Variants in PPM1G observed in about 807,000 individuals in gnomAD.
PPM1G encodes protein phosphatase 1G.
In PPM1G, 12 loss-of-function variants were observed where a neutral mutation model predicts 59.4. That is an observed-to-expected ratio of 0.20 (90% CI 0.13 to 0.33). The LOEUF (loss-of-function observed/expected upper bound fraction) is 0.33, where lower values mean the gene tolerates loss of function less well. Among genes scored for constraint, PPM1G ranks in the 10% least tolerant of loss-of-function variants. The probability of loss-of-function intolerance (pLI) is 1.00; values close to 1 mark genes in which losing one functional copy is unlikely to be tolerated. For synonymous variants in PPM1G, 245 were observed against 251.9 expected, an observed-to-expected ratio of 0.97 and a Z score of 0.26; for missense variants, 392 against 681.3, an observed-to-expected ratio of 0.58 and a Z score of 4.73.
intron 1 of PPM1G, among the ~76,000 whole-genome samples, chr2:27,398,079 GA>G (rs1423885124): frequency 6.6e-6 from 1 of 152,106 alleles, no homozygotes; most frequent in Non-Finnish European, 1.5e-5. Flanking sequence ...AAATTTAGAT[GA>G]AAAACAAATT....
chr2:27,409,589 T>A lies in PPM1G; in HGVS notation c.-167A>T. 2 of 876,322 alleles carry A rather than the reference T, an allele frequency of 2.3e-6. No homozygotes were observed. The highest frequency in any genetic ancestry group is 3.1e-6 in the Non-Finnish European group (2 of 649,220). 54.3% of individuals were successfully genotyped at this position (876,322 alleles called of 1,614,324 possible). A position where few individuals can be genotyped will look rare whatever the true frequency, so the allele number is the denominator to read the frequency against. ...CAGGAGGCGGTAACGGGACGGGAGC[T>A]GTGAGGGAGCGGAAGCGGAAACGGC... On this transcript the variant is annotated 5_prime_UTR_variant, in exon 1 of 10. Transcript: ENST00000344034.
At position 27,382,421 on chromosome 2, in the gene PPM1G, A is replaced by G. The variant is rs908404100; in HGVS notation, c.1331+55T>C. 122 of 1,609,916 alleles carry G rather than the reference A, an allele frequency of 7.6e-5. 1 individual carries two copies. The highest frequency in any genetic ancestry group is 2.2e-4 in the South Asian group (20 of 90,560). On this transcript the variant is annotated intron_variant, in intron 8 of 9. Transcript: ENST00000344034. This position sits in a 1 kb window ranked among gnomAD's most constrained non-coding sequence, Gnocchi z 4.2. ...TAATCCTAGAGGTGCCCTGAGTCCTATAAGAGAAGACATGCTGCAGAAAGG... is the reference window on the plus strand; with the variant it reads ...TAATCCTAGAGGTGCCCTGAGTCCTGTAAGAGAAGACATGCTGCAGAAAGG...
chr2:27,382,614 A>C lies in PPM1G; in HGVS notation c.1202-9T>G. The C allele has an allele frequency of 6.2e-7, 1 of 1,614,084 alleles. No homozygotes were observed. Among genetic ancestry groups the C allele is most frequent in the Non-Finnish European group, 8.5e-7 (1 of 1,179,970 alleles). On this transcript the variant is annotated splice_polypyrimidine_tract_variant and intron_variant, in intron 7 of 9. Transcript: ENST00000344034. This position sits in a 1 kb window ranked among gnomAD's most constrained non-coding sequence, Gnocchi z 4.2. ...CTTATAGAAGTGGTCCCCTGGAGTA[A>C]AGGAATGGTTGATGAGCAGTTTGGA...
chr2:27,398,575 GCA>G (rs1684105604), intron 1 of PPM1G, among the ~76,000 whole-genome samples: 1 of 152,194 alleles, frequency 6.6e-6, no homozygotes, highest in Non-Finnish European at 1.5e-5. Context: ...TGTAATCCTA[GCA>G]CTTTGGGAGG....
At chr2:27,408,327 G>C (rs1663429991) in intron 1 of PPM1G, among the ~76,000 whole-genome samples, 1 of 152,072 alleles carries the variant, frequency 6.6e-6, no homozygotes, top group African/African-American at 2.4e-5. Context: ...GTATTTCCCT[G>C]GCCCTTTTGC....
chr2:27,395,918 G>A (rs1276034741), intron 1 of PPM1G, among the ~76,000 whole-genome samples: 1 of 152,060 alleles, frequency 6.6e-6, no homozygotes, highest in Admixed American at 6.6e-5. Context: ...CAAGGATGTG[G>A]AGAAACTGAA....
chr2:27,397,481 T>C (rs1684079797), intron 1 of PPM1G, among the ~76,000 whole-genome samples: 2 of 152,104 alleles, frequency 1.3e-5, no homozygotes, highest in South Asian at 4.1e-4. Context: ...AAAAGGATAA[T>C]ACACATTGAT....
chr2:27,381,589 TG>T lies in PPM1G; in HGVS notation c.*9del. ...AAAACAGTCTAGGTGGGCAGGGGTC[TG>T]GATGACTGCTAGTCTCGCTTGGCCT... On this transcript the variant is annotated 3_prime_UTR_variant, in exon 10 of 10. Coordinates refer to ENST00000344034, the MANE Select transcript of PPM1G (RefSeq NM_177983.3). 6.2e-7 allele frequency: 1 copy of T among 1,614,150 alleles called. No homozygotes were observed. The highest frequency in any genetic ancestry group is 1.3e-5 in the African/African-American group (1 of 75,048).
intron 1 of PPM1G, among the ~76,000 whole-genome samples, chr2:27,391,408 T>A (rs1683898998): frequency 6.6e-6 from 1 of 152,232 alleles, no homozygotes; most frequent in African/African-American, 2.4e-5. Flanking sequence ...CTCTTTGTGG[T>A]TCTAATTTGC....
At chr2:27,386,036 G>T in intron 3 of PPM1G, 157 bp from the exon 4 acceptor site, 1 of 1,255,998 alleles carries the variant, frequency 8.0e-7, no homozygotes, top group Non-Finnish European at 1.1e-6. Flanking sequence ...AATAAGGCAA[G>T]TCTAAAAGGC....
chr2:27,401,861 T>C (rs901501225), intron 1 of PPM1G, among the ~76,000 whole-genome samples: 4 of 151,788 alleles, frequency 2.6e-5, no homozygotes, highest in Admixed American at 2.0e-4. Context: ...AAAGAAAATA[T>C]ACTAAAAGCC....
At chr2:27,391,059 A>ATTTTC (rs901969288) in intron 1 of PPM1G, among the ~76,000 whole-genome samples, 2 of 152,222 alleles carry the variant, frequency 1.3e-5, no homozygotes, top group African/African-American at 4.8e-5. Flanking sequence ...TATGTACCAT[A>ATTTTC]TTTTCTTTTC....
chr2:27,398,625 T>C (rs538193915), intron 1 of PPM1G, among the ~76,000 whole-genome samples: 3 of 151,356 alleles, frequency 2.0e-5, no homozygotes, highest in African/African-American at 7.3e-5. Context: ...AGATCGAGAC[T>C]ATCCTGGCCA....
In PPM1G at chr2:27,407,323, G is replaced by A. The variant is rs560174299; in HGVS notation, c.120+1980C>T. On this transcript the variant is annotated intron_variant, in intron 1 of 9. Coordinates refer to ENST00000344034, the MANE Select transcript of PPM1G (RefSeq NM_177983.3). The stretch of plus-strand genomic sequence containing the variant: ...CTGTCACCCAGATTGGAGTGCAGAG[G>A]GGCGATCTTGGCTCAATGAAGGCTC... 5.2e-4 allele frequency among the ~76,000 whole-genome samples: 79 copies of A among 152,242 alleles called. 1 individual carries two copies. Among genetic ancestry groups the A allele is most frequent in the African/African-American group, 1.8e-3 (74 of 41,540 alleles).
intron 1 of PPM1G, among the ~76,000 whole-genome samples, chr2:27,399,420 T>G (rs186877644): frequency 6.6e-6 from 1 of 151,878 alleles, no homozygotes; most frequent in African/African-American, 2.4e-5. Context: ...TAGCCTGTAA[T>G]CCAGCACTTT....
chr2:27,381,390 CCGAGGA>C lies in PPM1G; in HGVS notation c.*203_*208del. Reference sequence around the variant, plus strand: ...CACAGGCACAGAACCGGTGATGAGCCCGAGGAGCAGAGGCGGCTGGGAAGGACAGCA... The same window carrying C: ...CACAGGCACAGAACCGGTGATGAGCCGCAGAGGCGGCTGGGAAGGACAGCA... On this transcript the variant is annotated 3_prime_UTR_variant, in exon 10 of 10. Transcript: ENST00000344034. 2 of 598,112 alleles carry C rather than the reference CCGAGGA, an allele frequency of 3.3e-6. No individual in the cohort carries two copies. The highest frequency in any genetic ancestry group is 6.0e-6 in the Non-Finnish European group (2 of 335,756). The allele number at this position is 598,112 out of a possible 1,614,324, so 37.1% of individuals were successfully genotyped here. A position where few individuals can be genotyped will look rare whatever the true frequency, so the allele number is the denominator to read the frequency against.
In PPM1G at chr2:27,385,532, A is replaced by G. The variant is rs1267194307; in HGVS notation, c.409+215T>C. ...CCATCACAATGACAAAAGATAATGT[A>G]TATACAATGCTTACAGCTCAGATGC... On this transcript the variant is annotated intron_variant, in intron 4 of 9. Coordinates refer to ENST00000344034, the MANE Select transcript of PPM1G (RefSeq NM_177983.3). This position sits in a 1 kb window ranked among gnomAD's most constrained non-coding sequence, Gnocchi z 4.1. 1.7e-6 allele frequency: 1 copy of G among 589,300 alleles called. No homozygotes were observed. Among genetic ancestry groups the G allele is most frequent in the South Asian group, 2.5e-5 (1 of 39,468 alleles). 36.5% of individuals were successfully genotyped at this position (589,300 alleles called of 1,614,324 possible).
intron 1 of PPM1G, among the ~76,000 whole-genome samples, chr2:27,407,184 T>C (rs1663398355): frequency 6.6e-6 from 1 of 152,148 alleles, no homozygotes; most frequent in South Asian, 2.1e-4. Flanking sequence ...CAGGCTGGTC[T>C]CGAACTCCTA....
chr2:27,393,074 C>CT (rs1357213999), intron 1 of PPM1G: 1 of 1,262,910 alleles, frequency 7.9e-7, no homozygotes. Flanking sequence ...TCAGCCCGCT[C>CT]TCCCATCGCA....
Sources: gnomAD v4.1 joint callset for allele counts (sites outside exome capture counted in the v4.1 genomes callset) on GRCh38, gnomAD v4.1.1 for gene constraint, Gnocchi (gnomAD v3.1) non-coding constraint, MANE v1.5 for transcripts, NCBI Gene and HGNC (gene_info 2026-07-23, HGNC 2026-07-21) for gene names.